INTS9: variants seen among roughly 807,000 people sequenced by gnomAD.
INTS9 encodes integrator complex subunit 9, also known as protein related to CPSF subunits of 74 kDa.
Under a neutral mutation model 79.7 loss-of-function variants are expected in INTS9, and 55 were observed. The observed-to-expected ratio is 0.69, with a 90% confidence interval of 0.56 to 0.86. The LOEUF is 0.86. Among genes scored for constraint, INTS9 ranks in the 40% least tolerant of loss-of-function variants. The probability of loss-of-function intolerance (pLI) is 0.00; values close to 1 mark genes in which losing one functional copy is unlikely to be tolerated. For missense variants in INTS9, 721 were observed against 831.5 expected (o/e 0.87, Z 1.64); for synonymous variants, 319 against 325.2 (o/e 0.98, Z 0.20).
At chr8:28,873,796 G>C (rs1809216493) in intron 1 of INTS9, among the ~76,000 whole-genome samples, 1 of 152,196 alleles carries the variant, frequency 6.6e-6, no homozygotes, top group Non-Finnish European at 1.5e-5. Flanking sequence ...ATGTGACTGA[G>C]AATATGTATT....
chr8:28,812,602 G>A (rs1805217052), intron 7 of INTS9, 141 bp from the exon 8 acceptor site: 4 of 907,516 alleles, frequency 4.4e-6, no homozygotes, highest in Non-Finnish European at 6.5e-6. Context: ...TGGGTGCAAT[G>A]GCTCACGCCT....
chr8:28,880,579 G>A (rs540715499), intron 1 of INTS9, among the ~76,000 whole-genome samples: 52 of 151,670 alleles, frequency 3.4e-4, no homozygotes, highest in African/African-American at 1.1e-3. Context: ...TGCCCAGGCT[G>A]GAGTGCAGCG....
chr8:28,869,637 T>C (rs1318945), intron 1 of INTS9, among the ~76,000 whole-genome samples: 24 of 152,260 alleles, frequency 1.6e-4, no homozygotes, highest in Admixed American at 9.8e-4. Context: ...CAGAGTTCTA[T>C]AAATACATTT....
intron 12 of INTS9, 65 bp from the exon 13 acceptor site, chr8:28,778,018 C>A: frequency 6.7e-7 from 1 of 1,496,800 alleles, no homozygotes; most frequent in Admixed American, 2.2e-5. Flanking sequence ...AGCCAGACAG[C>A]AACTGGGGCG....
chr8:28,889,547 A>G (rs1810474664), intron 1 of INTS9, among the ~76,000 whole-genome samples: 1 of 152,176 alleles, frequency 6.6e-6, no homozygotes, highest in African/African-American at 2.4e-5. Context: ...ACAGCCTATT[A>G]TAACCCTCAC....
intron 1 of INTS9, among the ~76,000 whole-genome samples, chr8:28,860,757 T>C (rs1808418790): frequency 6.6e-6 from 1 of 152,180 alleles, no homozygotes. Context: ...GCTGGGGTTA[T>C]AGGCGTGAGC....
rs535426804 is a variant in INTS9 at position 28,778,485 on chromosome 8, A to T, written c.1271-532T>A. ...TAGAATCAGCTCTGAGTTAACGCCCAGGTGTGAGATGCACCCGGAAGACAA... is the reference window on the plus strand; with the variant it reads ...TAGAATCAGCTCTGAGTTAACGCCCTGGTGTGAGATGCACCCGGAAGACAA... On this transcript the variant is annotated intron_variant, in intron 12 of 16. Transcript: ENST00000521022. 1.9e-4 allele frequency among the ~76,000 whole-genome samples: 29 copies of T among 152,308 alleles called. No individual in the cohort carries two copies. The South Asian group carries it at 6.0e-3, about 32-fold the overall frequency.
intron 1 of INTS9, among the ~76,000 whole-genome samples, chr8:28,880,870 C>G: frequency 6.7e-6 from 1 of 148,404 alleles, no homozygotes; most frequent in South Asian, 2.2e-4. Flanking sequence ...TGCCCGGCCG[C>G]CCATCGTCTG....
intron 1 of INTS9, among the ~76,000 whole-genome samples, chr8:28,881,659 G>T (rs1809823903): frequency 7.8e-6 from 1 of 128,764 alleles, no homozygotes; most frequent in Non-Finnish European, 1.7e-5. Flanking sequence ...ACTGGGAAGT[G>T]AGGAGCCCCT....
intron 11 of INTS9, among the ~76,000 whole-genome samples, chr8:28,781,461 C>T (rs1803261413): frequency 6.6e-6 from 1 of 152,164 alleles, no homozygotes; most frequent in Admixed American, 6.5e-5. Context: ...GATACAGCCA[C>T]TTTGAAAGAT....
At chr8:28,868,198 G>T (rs1279629034) in intron 1 of INTS9, among the ~76,000 whole-genome samples, 2 of 152,212 alleles carry the variant, frequency 1.3e-5, no homozygotes, top group Non-Finnish European at 2.9e-5. Flanking sequence ...GGATTAGTTA[G>T]CTGACTGATG....
intron 1 of INTS9, among the ~76,000 whole-genome samples, chr8:28,874,499 T>A (rs971265327): frequency 2.0e-5 from 3 of 152,026 alleles, no homozygotes; most frequent in Admixed American, 1.3e-4. Flanking sequence ...TTCACTGTGT[T>A]AGTCAGGATG....
At chr8:28,809,140 G>A (rs867290974) in intron 8 of INTS9, among the ~76,000 whole-genome samples, 8 of 151,766 alleles carry the variant, frequency 5.3e-5, no homozygotes, top group South Asian at 2.1e-4. Context: ...TTAACTTTTC[G>A]TAGAGATGGG....
At chr8:28,808,664 A>C (rs950958443) in intron 8 of INTS9, among the ~76,000 whole-genome samples, 2 of 152,202 alleles carry the variant, frequency 1.3e-5, no homozygotes, top group Non-Finnish European at 2.9e-5. Flanking sequence ...ATGGCCATTA[A>C]CACCATTCTC....
At chr8:28,801,589 TAC>T (rs1804532137) in intron 8 of INTS9, among the ~76,000 whole-genome samples, 1 of 152,152 alleles carries the variant, frequency 6.6e-6, no homozygotes, top group South Asian at 2.1e-4. Context: ...TTTAAGAAAC[TAC>T]ATTACTGCCA....
At chr8:28,798,849 A>G (rs552314844) in intron 8 of INTS9, among the ~76,000 whole-genome samples, 4 of 151,990 alleles carry the variant, frequency 2.6e-5, no homozygotes, top group African/African-American at 4.8e-5. Context: ...TGGGGCCATG[A>G]CCCCAAAAAG....
chr8:28,870,261 TCA>T (rs1415697413), intron 1 of INTS9, among the ~76,000 whole-genome samples: 2 of 149,994 alleles, frequency 1.3e-5, no homozygotes, highest in Non-Finnish European at 3.0e-5. Context: ...ACTGGAACTC[TCA>T]CTTTCTACTT....
intron 13 of INTS9, 92 bp from the exon 14 acceptor site, chr8:28,776,018 A>G: frequency 9.8e-7 from 1 of 1,020,384 alleles, no homozygotes; most frequent in Non-Finnish European, 1.4e-6. Context: ...ACTCCCCGCC[A>G]TTACAGGCTC....
intron 6 of INTS9, among the ~76,000 whole-genome samples, chr8:28,830,632 T>TA (rs767647324): frequency 0.014 from 1,429 of 99,138 alleles, 9 homozygotes; most frequent in African/African-American, 0.034. Flanking sequence ...CTCAAAAAAT[T>TA]AAAAAAAAAA....
Sources: allele counts gnomAD v4.1 joint callset (sites outside exome capture counted in the v4.1 genomes callset), GRCh38; gene constraint gnomAD v4.1.1; transcripts MANE v1.5; gene names NCBI Gene and HGNC (gene_info 2026-07-23, HGNC 2026-07-21).